WASL: variants seen among roughly 807,000 people sequenced by gnomAD.
The protein encoded by WASL is WASP like actin nucleation promoting factor.
Under a neutral mutation model 55.5 loss-of-function variants are expected in WASL, and 20 were observed. That is an observed-to-expected ratio of 0.36 (90% CI 0.25 to 0.52). WASL has a LOEUF of 0.52. WASL is among the 20% of genes least tolerant of loss of function. WASL has a pLI of 0.92. For missense variants in WASL, 504 were observed against 622.5 expected (o/e 0.81, Z 2.03); for synonymous variants, 249 against 217.6 (o/e 1.14, Z -1.27).
rs761244696 is a variant in WASL at position 123,689,027 on chromosome 7, TC to T, written c.1456+14del. 5.9e-5 allele frequency: 94 copies of T among 1,596,256 alleles called. No homozygotes were observed. In the African/African-American group the frequency reaches 1.1e-3, roughly 19 times the overall value. ...CTCTGTCTCTCTCTCTCTCTCTCTC[TC>T]TCTCTCTCTCTACCTGAAGAATGAA... is the stretch of plus-strand genomic sequence containing the variant. On this transcript the variant is annotated intron_variant, in intron 10 of 10. Transcript: ENST00000223023.
At chr7:123,736,392 A>G (rs1055767569) in intron 1 of WASL, among the ~76,000 whole-genome samples, 1 of 152,238 alleles carries the variant, frequency 6.6e-6, no homozygotes. Context: ...GTGAATAAAT[A>G]TAAGGTTTTT....
chr7:123,693,623 T>C (rs1465310546), intron 8 of WASL, among the ~76,000 whole-genome samples: 1 of 152,214 alleles, frequency 6.6e-6, no homozygotes, highest in Non-Finnish European at 1.5e-5. Context: ...CCAGTAGTCA[T>C]GATATTAGCA....
chr7:123,726,049 C>G (rs1804035226), intron 1 of WASL, among the ~76,000 whole-genome samples: 2 of 152,130 alleles, frequency 1.3e-5, no homozygotes. Flanking sequence ...AGTATTAACT[C>G]TGTTAATGTT....
rs1404541016 is a variant in WASL at position 123,683,065 on chromosome 7, T to C, written c.*1454A>G. The C allele has an allele frequency of 6.6e-6, 1 of 152,130 alleles. No individual in the cohort carries two copies. Among genetic ancestry groups the C allele is most frequent in the African/African-American group, 2.4e-5 (1 of 41,442 alleles). The allele number at this position is 152,130 out of a possible 1,614,324, so 9.4% of individuals were successfully genotyped here. ...CTTGCAGGTCCAGCCTGTCAAGATC[T>C]GCCAATACGAGATTTTGGTTGGTAC... On this transcript the variant is annotated 3_prime_UTR_variant, in exon 11 of 11. Transcript: ENST00000223023.
intron 1 of WASL, among the ~76,000 whole-genome samples, chr7:123,711,967 T>C (rs1803764789): frequency 2.0e-5 from 3 of 152,272 alleles, no homozygotes; most frequent in African/African-American, 4.8e-5. Context: ...TGTAATGACA[T>C]ATTCATTCTC....
At chr7:123,729,479 C>A (rs149893642) in intron 1 of WASL, among the ~76,000 whole-genome samples, 2 of 152,154 alleles carry the variant, frequency 1.3e-5, no homozygotes, top group African/African-American at 4.8e-5. Context: ...GCTATCAGAG[C>A]TTTTTTCAAA....
intron 1 of WASL, among the ~76,000 whole-genome samples, chr7:123,715,005 T>C (rs528228489): frequency 6.6e-6 from 1 of 151,888 alleles, no homozygotes; most frequent in African/African-American, 2.4e-5. Flanking sequence ...AAGAGAAGAG[T>C]GGCATGGATT....
At chr7:123,697,901 T>C (rs867746219) in intron 5 of WASL, among the ~76,000 whole-genome samples, 2 of 152,206 alleles carry the variant, frequency 1.3e-5, no homozygotes, top group African/African-American at 4.8e-5. Flanking sequence ...CAAGGCAGGG[T>C]AGACCTATGT....
chr7:123,709,531 G>A (rs1029960361), intron 1 of WASL, among the ~76,000 whole-genome samples: 5 of 151,334 alleles, frequency 3.3e-5, no homozygotes, highest in African/African-American at 1.2e-4. Context: ...TTATTACTAT[G>A]ATAACTTCAT....
Position 123,682,401 on chromosome 7 carries a change from TTTC to T in WASL, c.*2115_*2117del, listed in dbSNP as rs940144746. On this transcript the variant is annotated 3_prime_UTR_variant, in exon 11 of 11. Transcript: ENST00000223023. Reference sequence around the variant, plus strand: ...TTTTTGTAACAACAACCAATGTCTTTTTCTTCTTTAAGAAAAAAAGAATAAATT... The same window carrying T: ...TTTTTGTAACAACAACCAATGTCTTTTTCTTTAAGAAAAAAAGAATAAATT... The T allele has an allele frequency of 2.7e-4, 41 of 152,270 alleles. No homozygotes were observed. Among genetic ancestry groups the T allele is most frequent in the African/African-American group, 8.9e-4 (37 of 41,572 alleles). The allele number at this position is 152,270 out of a possible 1,614,324, so 9.4% of individuals were successfully genotyped here. A position where few individuals can be genotyped will look rare whatever the true frequency, so the allele number is the denominator to read the frequency against.
rs755316083 is a variant in WASL at position 123,689,092 on chromosome 7, C to T, written c.1406G>A (p.Gly469Asp). The T allele has an allele frequency of 4.3e-6, 7 of 1,613,868 alleles. No individual in the cohort carries two copies. The highest frequency in any genetic ancestry group is 5.9e-6 in the Non-Finnish European group (7 of 1,180,002). Residue 469 changes from glycine (G) to aspartate (D), a missense_variant, in exon 10 of 11, where the codon GGT (glycine) becomes GAT (aspartate). Gly to Asp is a moderately conservative substitution (Grantham distance 94). Coordinates refer to ENST00000223023, the MANE Select transcript of WASL (RefSeq NM_003941.4). ...TTTCTGCATCACTTCCATTAATGCACCCACAATTCCTGAAGTGGGTGCAGG... is the reference window on the plus strand; with the variant it reads ...TTTCTGCATCACTTCCATTAATGCATCCACAATTCCTGAAGTGGGTGCAGG... Reference protein sequence around the residue: ...PTPAPTSGIVGALMEVMQKRS... With the variant: ...PTPAPTSGIVDALMEVMQKRS...
intron 8 of WASL, 92 bp from the exon 9 acceptor site, chr7:123,692,959 G>A: frequency 7.7e-7 from 1 of 1,298,428 alleles, no homozygotes; most frequent in Non-Finnish European, 9.8e-7. Context: ...TATAAAAATT[G>A]AATAATACCA....
chr7:123,689,236 C>G (rs768636431), intron 9 of WASL, 86 bp from the exon 10 acceptor site: 6 of 1,080,984 alleles, frequency 5.6e-6, no homozygotes, highest in South Asian at 4.2e-5. Context: ...CTTAGAATCA[C>G]TTCTTATTGT....
rs1332030693 is a variant in WASL at position 123,683,370 on chromosome 7, TC to T, written c.*1148del. 1 of 151,534 alleles carries T rather than the reference TC, an allele frequency of 6.6e-6. No individual in the cohort carries two copies. The highest frequency in any genetic ancestry group is 1.5e-5 in the Non-Finnish European group (1 of 67,822). 9.4% of individuals were successfully genotyped at this position (151,534 alleles called of 1,614,324 possible). A position where few individuals can be genotyped will look rare whatever the true frequency, so the allele number is the denominator to read the frequency against. Reference sequence around the variant, plus strand: ...CAAATGTGCAGGTTGTAAAGTTTTATCTTTAAAAAAAAAAAATCTATCATTC... The same window carrying T: ...CAAATGTGCAGGTTGTAAAGTTTTATTTTAAAAAAAAAAAATCTATCATTC... On this transcript the variant is annotated 3_prime_UTR_variant, in exon 11 of 11. Transcript: ENST00000223023.
chr7:123,706,415 G>C, intron 3 of WASL, 42 bp from the exon 4 acceptor site: 3 of 1,550,096 alleles, frequency 1.9e-6, no homozygotes, highest in Non-Finnish European at 2.7e-6. Flanking sequence ...CAGAATGTAT[G>C]AATTTAGCTT....
chr7:123,708,995 A>G (rs1803714972), intron 2 of WASL, 94 bp downstream of exon 2: 2 of 1,165,310 alleles, frequency 1.7e-6, no homozygotes, highest in South Asian at 5.1e-5. Context: ...ATAAATTTAA[A>G]TATCACATAT....
At chr7:123,704,679 G>A (rs1346819845) in intron 4 of WASL, 22 bp from the exon 5 acceptor site, 3 of 1,396,758 alleles carry the variant, frequency 2.1e-6, no homozygotes, top group Non-Finnish European at 2.9e-6. Context: ...TAAATTAGAA[G>A]AATATTATTA....
chr7:123,716,204 G>C (rs1411652594), intron 1 of WASL, among the ~76,000 whole-genome samples: 2 of 151,970 alleles, frequency 1.3e-5, no homozygotes, highest in East Asian at 3.9e-4. Context: ...TCACCAATCA[G>C]TTTATTTTTA....
intron 1 of WASL, among the ~76,000 whole-genome samples, chr7:123,740,840 C>T (rs1399349982): frequency 1.3e-5 from 2 of 152,186 alleles, no homozygotes; most frequent in Non-Finnish European, 2.9e-5. Context: ...CCTGCCTCAG[C>T]CTCCCAAAGC....
Sources: allele counts gnomAD v4.1 joint callset (sites outside exome capture counted in the v4.1 genomes callset), GRCh38; gene constraint gnomAD v4.1.1; transcripts MANE v1.5; gene names NCBI Gene and HGNC (gene_info 2026-07-23, HGNC 2026-07-21).